The following WDR7 variants were observed in gnomAD, a reference collection of about 807,000 sequenced individuals.
WDR7 encodes WD repeat-containing protein 7.
WDR7 carries 46 observed loss-of-function variants against 169.4 expected under a neutral mutation model. The ratio of observed to expected loss-of-function variants is 0.27; its 90% CI spans 0.21 to 0.35. The LOEUF is 0.35. Among genes scored for constraint, WDR7 ranks in the 10% least tolerant of loss-of-function variants. The probability of loss-of-function intolerance (pLI) is 1.00; values close to 1 mark genes in which losing one functional copy is unlikely to be tolerated. For missense variants in WDR7, 1,534 were observed against 1,859.3 expected (o/e 0.83, Z 3.22); for synonymous variants, 612 against 666.8 (o/e 0.92, Z 1.27).
chr18:56,720,849 A>G (rs2026305640), intron 13 of WDR7, among the ~76,000 whole-genome samples: 1 of 125,616 alleles, frequency 8.0e-6, no homozygotes, highest in Non-Finnish European at 2.0e-5. Context: ...TTGGGTAAAC[A>G]ATCAGTCAAT....
At chr18:56,874,642 T>C (rs918401521) in intron 20 of WDR7, among the ~76,000 whole-genome samples, 1 of 152,174 alleles carries the variant, frequency 6.6e-6, no homozygotes, top group African/African-American at 2.4e-5. Context: ...AAATGTTTCA[T>C]AACTAAACTT....
intron 21 of WDR7, among the ~76,000 whole-genome samples, chr18:56,883,753 C>T (rs1387495953): frequency 6.6e-6 from 1 of 152,120 alleles, no homozygotes. Flanking sequence ...TGAGTGAGAA[C>T]ATACGATGTT....
At chr18:56,816,556 T>TA (rs759181592) in intron 20 of WDR7, among the ~76,000 whole-genome samples, 39 of 152,382 alleles carry the variant, frequency 2.6e-4, no homozygotes, top group South Asian at 6.2e-4. Flanking sequence ...TAGGAAGACT[T>TA]ACTCTTTATA....
At chr18:56,951,070 C>T (rs183343747) in intron 25 of WDR7, among the ~76,000 whole-genome samples, 1 of 152,316 alleles carries the variant, frequency 6.6e-6, no homozygotes, top group East Asian at 1.9e-4. Flanking sequence ...GGCACCTCCT[C>T]CAGATATTGA....
chr18:56,998,878 C>T (rs943373863), intron 26 of WDR7, among the ~76,000 whole-genome samples: 4 of 152,142 alleles, frequency 2.6e-5, no homozygotes, highest in Admixed American at 2.0e-4. Context: ...ATACTGAATA[C>T]TTAAGAAATG....
chr18:56,778,534 A>C (rs547028479), intron 17 of WDR7, among the ~76,000 whole-genome samples: 1 of 152,322 alleles, frequency 6.6e-6, no homozygotes, highest in Admixed American at 6.5e-5. Flanking sequence ...CATACCTTTA[A>C]AATGGGGTTG....
At chr18:56,947,896 C>G (rs2047128713) in intron 25 of WDR7, among the ~76,000 whole-genome samples, 1 of 152,180 alleles carries the variant, frequency 6.6e-6, no homozygotes, top group Non-Finnish European at 1.5e-5. Flanking sequence ...GAGGTTTAAG[C>G]TCTTGGAAGC....
rs758845237 is a variant in WDR7, at chr18:57,027,405, G to A, written c.*198G>A. On this transcript the variant is annotated 3_prime_UTR_variant, in exon 28 of 28. Transcript: ENST00000254442. Reference sequence around the variant, plus strand: ...GTGCCATCTGTCGATTCAGAGGCACGCACACATGCTCTGCAGGATGTGGCC... The same window carrying A: ...GTGCCATCTGTCGATTCAGAGGCACACACACATGCTCTGCAGGATGTGGCC... 4.7e-5 allele frequency: 30 copies of A among 642,742 alleles called. No individual in the cohort carries two copies. Among genetic ancestry groups the A allele is most frequent in the African/African-American group, 3.8e-4 (21 of 54,638 alleles). The allele number at this position is 642,742 out of a possible 1,614,324, so 39.8% of individuals were successfully genotyped here.
intron 21 of WDR7, 144 bp downstream of exon 21, chr18:56,880,309 A>T: frequency 1.3e-6 from 1 of 740,828 alleles, no homozygotes; most frequent in Non-Finnish European, 2.2e-6. Context: ...AATCTGGCAC[A>T]TTTCCCGTTA....
intron 19 of WDR7, 192 bp downstream of exon 19, chr18:56,781,848 A>T (rs886361091): frequency 1.9e-6 from 1 of 530,746 alleles, no homozygotes; most frequent in Admixed American, 4.4e-5. Context: ...AAAAAACAAA[A>T]GGCAAAGGCT....
At chr18:56,760,791 G>A (rs2043969709) in intron 16 of WDR7, among the ~76,000 whole-genome samples, 2 of 152,128 alleles carry the variant, frequency 1.3e-5, no homozygotes, top group Admixed American at 1.3e-4. Context: ...TGGCTAAAGT[G>A]AAAAAGAGAA....
At chr18:56,794,304 A>ATCTTTTTTTTTTTTTT (rs2044543467) in intron 19 of WDR7, among the ~76,000 whole-genome samples, 1 of 49,466 alleles carries the variant, frequency 2.0e-5, no homozygotes, top group Non-Finnish European at 3.8e-5. Flanking sequence ...GGTAAAGTCT[A>ATCTTTTTTTTTTTTTT]TTTTTTTTTT....
intron 20 of WDR7, among the ~76,000 whole-genome samples, chr18:56,845,384 G>A (rs2045553231): frequency 6.6e-6 from 1 of 151,930 alleles, no homozygotes; most frequent in Non-Finnish European, 1.5e-5. Context: ...CTATGTAAAT[G>A]TATTTGTATT....
intron 21 of WDR7, among the ~76,000 whole-genome samples, chr18:56,888,325 G>A (rs939557348): frequency 6.6e-6 from 1 of 152,234 alleles, no homozygotes; most frequent in African/African-American, 2.4e-5. Context: ...AGATTAATGA[G>A]AAGCCTAGAT....
intron 23 of WDR7, among the ~76,000 whole-genome samples, chr18:56,936,842 T>C (rs1568275632): frequency 6.6e-6 from 1 of 152,206 alleles, no homozygotes; most frequent in Non-Finnish European, 1.5e-5. Context: ...ATTTTTCTAA[T>C]AGTGCATAAT....
intron 22 of WDR7, among the ~76,000 whole-genome samples, chr18:56,928,883 A>C (rs1476745459): frequency 1.3e-5 from 2 of 152,350 alleles, no homozygotes; most frequent in South Asian, 2.1e-4. Flanking sequence ...AGCTCCTAAT[A>C]CTGTGTGATC....
At chr18:56,938,821 G>GTGTGTT (rs1350548921) in intron 24 of WDR7, 139 bp downstream of exon 24, 9 of 848,036 alleles carry the variant, frequency 1.1e-5, no homozygotes, top group Non-Finnish European at 1.2e-5. Context: ...GTGTGTGTGT[G>GTGTGTT]TGTGTGTGTG....
At chr18:56,886,640 T>G (rs1396164828) in intron 21 of WDR7, among the ~76,000 whole-genome samples, 1 of 152,204 alleles carries the variant, frequency 6.6e-6, no homozygotes, top group Non-Finnish European at 1.5e-5. Context: ...TAACATTGAA[T>G]GTAAATGGCC....
chr18:56,911,933 T>G (rs1174595444), intron 21 of WDR7, among the ~76,000 whole-genome samples: 1 of 152,240 alleles, frequency 6.6e-6, no homozygotes, highest in East Asian at 1.9e-4. Flanking sequence ...TAATAATACT[T>G]TAATTCTTAA....
Sources: allele counts gnomAD v4.1 joint callset (sites outside exome capture counted in the v4.1 genomes callset), GRCh38; gene constraint gnomAD v4.1.1; transcripts MANE v1.5; gene names NCBI Gene and HGNC (gene_info 2026-07-23, HGNC 2026-07-21).